Variants in CD4 observed in about 807,000 individuals in gnomAD.
CD4 encodes CD4 molecule.
Under a neutral mutation model 50.5 loss-of-function variants are expected in CD4, and 25 were observed. That is an observed-to-expected ratio of 0.49 (90% CI 0.36 to 0.69). The LOEUF is 0.69. CD4 is among the 30% of genes least tolerant of loss of function. The pLI is 0.00. For synonymous variants in CD4, 207 were observed against 221.9 expected, an observed-to-expected ratio of 0.93 and a Z score of 0.60; for missense variants, 456 against 548.5, an observed-to-expected ratio of 0.83 and a Z score of 1.68.
rs782466814 is a variant in CD4 at position 6,816,777 on chromosome 12, T to G, written c.956-353T>G. ...AATGATGATAATGTCAAGCTCCAAATTGAGTTTCTGGCTTCCTTATCTCCT... is the reference window on the plus strand; with the variant it reads ...AATGATGATAATGTCAAGCTCCAAAGTGAGTTTCTGGCTTCCTTATCTCCT... On this transcript the variant is annotated intron_variant, in intron 6 of 9. Transcript: ENST00000011653. This position sits in a 1 kb window ranked among gnomAD's most constrained non-coding sequence, Gnocchi z 4.9. 6.6e-6 allele frequency among the ~76,000 whole-genome samples: 1 copy of G among 152,200 alleles called. No individual in the cohort carries two copies. Among genetic ancestry groups the G allele is most frequent in the African/African-American group, 2.4e-5 (1 of 41,438 alleles).
At chr12:6,817,794 T>A (rs1943125788) in intron 7 of CD4, among the ~76,000 whole-genome samples, 1 of 142,502 alleles carries the variant, frequency 7.0e-6, no homozygotes, top group South Asian at 2.4e-4. Flanking sequence ...ACCCACACTC[T>A]CACCCCATGT....
At chr12:6,811,004 G>C (rs1033922380) in intron 3 of CD4, among the ~76,000 whole-genome samples, 4 of 152,076 alleles carry the variant, frequency 2.6e-5, no homozygotes, top group Non-Finnish European at 4.4e-5. Flanking sequence ...AGGGGCTCCT[G>C]GACAGTAAGA....
intron 1 of CD4, among the ~76,000 whole-genome samples, chr12:6,794,211 T>A (rs1358000414): frequency 1.3e-5 from 2 of 149,928 alleles, no homozygotes; most frequent in African/African-American, 4.9e-5. Flanking sequence ...TAGCTGGGAC[T>A]ACCCACCACC....
intron 3 of CD4, among the ~76,000 whole-genome samples, chr12:6,806,156 T>TACACAC (rs56979845): frequency 1.2e-4 from 13 of 107,410 alleles, no homozygotes; most frequent in Admixed American, 4.1e-4. Context: ...AAAAGGTACA[T>TACACAC]ACACACACAC....
At chr12:6,795,679 A>C (rs12318202) in intron 1 of CD4, among the ~76,000 whole-genome samples, 2 of 152,244 alleles carry the variant, frequency 1.3e-5, no homozygotes, top group African/African-American at 4.8e-5. Context: ...ACTCTGGATA[A>C]GGGGCCACCC....
At chr12:6,811,790 C>A (rs1479702700) in intron 3 of CD4, among the ~76,000 whole-genome samples, 2 of 151,374 alleles carry the variant, frequency 1.3e-5, no homozygotes, top group Non-Finnish European at 2.9e-5. Context: ...GGATTTCAGG[C>A]GTGAGCCACC....
intron 3 of CD4, among the ~76,000 whole-genome samples, chr12:6,811,106 C>T (rs782281751): frequency 6.6e-6 from 1 of 152,114 alleles, no homozygotes; most frequent in East Asian, 1.9e-4. Flanking sequence ...CACACCAAGG[C>T]AGAAAGAGGG....
intron 3 of CD4, among the ~76,000 whole-genome samples, chr12:6,808,116 G>C (rs1679557842): frequency 6.7e-6 from 1 of 149,262 alleles, no homozygotes. Context: ...AGGCAGGCAG[G>C]GCCAGGAAAG....
At position 6,815,500 on chromosome 12, in the gene CD4, A is replaced by G. The variant is rs782820827; in HGVS notation, c.607+508A>G. 2.6e-5 allele frequency among the ~76,000 whole-genome samples: 4 copies of G among 152,298 alleles called. No individual in the cohort carries two copies. In the East Asian group the frequency reaches 7.7e-4, roughly 29 times the overall value. ...TAAGGTAGACATAAGGTAGTGTGCC[A>G]GTTTAGTGCATGTACGCTGATTGAA... On this transcript the variant is annotated intron_variant, in intron 5 of 9. Coordinates refer to ENST00000011653, the MANE Select transcript of CD4 (RefSeq NM_000616.5).
intron 3 of CD4, among the ~76,000 whole-genome samples, chr12:6,803,461 A>G (rs1555115688): frequency 6.6e-6 from 1 of 151,570 alleles, no homozygotes; most frequent in Non-Finnish European, 1.5e-5. Context: ...TGAACACTTA[A>G]TAATATCTAT....
rs1943076206 is a variant in CD4 at position 6,816,081 on chromosome 12, C to G, written c.633C>G (p.Val211=). Residue 211 remains valine (V), a synonymous_variant, in exon 6 of 10, where the codon GTC becomes GTG. Coordinates refer to ENST00000011653, the MANE Select transcript of CD4 (RefSeq NM_000616.5). The surrounding 1 kb of genome is among the most constrained non-coding windows in gnomAD (Gnocchi z 4.9). ...VLAFQKASSI[V]YKKEGEQVEF... ...CTTTCCAGAAGGCCTCCAGCATAGT[C>G]TATAAGAAAGAGGGGGAACAGGTGG... 6.2e-7 allele frequency: 1 copy of G among 1,614,034 alleles called. No homozygotes were observed. Among genetic ancestry groups the G allele is most frequent in the Non-Finnish European group, 8.5e-7 (1 of 1,180,030 alleles).
In CD4 at chr12:6,814,181, G is replaced by C; in HGVS notation, c.254G>C (p.Ser85Thr). ...AATGATCGCGCTGACTCAAGAAGAA[G>C]CCTTTGGGACCAAGGAAACTTTCCC... is the stretch of plus-strand genomic sequence containing the variant. The part of the protein sequence containing the change: ...KLNDRADSRR[S>T]LWDQGNFPLI... Residue 85 changes from serine to threonine, a missense_variant, in exon 4 of 10, where the codon AGC becomes ACC. Coordinates refer to ENST00000011653, the MANE Select transcript of CD4 (RefSeq NM_000616.5). The C allele has an allele frequency of 6.2e-7, 1 of 1,614,126 alleles. No individual in the cohort carries two copies. Among genetic ancestry groups the C allele is most frequent in the South Asian group, 1.1e-5 (1 of 91,086 alleles).
intron 3 of CD4, among the ~76,000 whole-genome samples, chr12:6,805,723 C>A (rs781909902): frequency 6.6e-6 from 1 of 152,006 alleles, no homozygotes; most frequent in Admixed American, 6.6e-5. Flanking sequence ...CAATTTTCCC[C>A]AAATTAATAT....
intron 1 of CD4, among the ~76,000 whole-genome samples, chr12:6,793,010 C>G (rs1942213097): frequency 1.3e-5 from 2 of 151,932 alleles, no homozygotes; most frequent in African/African-American, 4.8e-5. Context: ...GCTTGAGGGA[C>G]CAGAGAGCCC....
intron 3 of CD4, among the ~76,000 whole-genome samples, chr12:6,802,586 G>C (rs1278049695): frequency 5.3e-5 from 8 of 152,088 alleles, no homozygotes; most frequent in African/African-American, 1.9e-4. Flanking sequence ...GGGATTATAG[G>C]TATGAGCCAC....
chr12:6,806,897 G>T (rs1413922371), intron 3 of CD4, among the ~76,000 whole-genome samples: 1 of 152,232 alleles, frequency 6.6e-6, no homozygotes, highest in African/African-American at 2.4e-5. Flanking sequence ...GCCGGGCGCG[G>T]TAGCTCACGC....
chr12:6,815,467 A>T (rs2137916867), intron 5 of CD4, among the ~76,000 whole-genome samples: 1 of 152,280 alleles, frequency 6.6e-6, no homozygotes, highest in Admixed American at 6.5e-5. Context: ...CTGGGTGCTT[A>T]TGTGACTTAA....
Position 6,814,242 on chromosome 12 carries a change from T to C in CD4, c.315T>C (p.Asp105=), listed in dbSNP as rs1446426483. 6.2e-7 allele frequency: 1 copy of C among 1,614,022 alleles called. No homozygotes were observed. The highest frequency in any genetic ancestry group is 8.5e-7 in the Non-Finnish European group (1 of 1,179,988). The change falls in exon 4 of 10, where the codon GAT becomes GAC. Residue 105 remains aspartate (D), a synonymous_variant. Coordinates refer to ENST00000011653, the MANE Select transcript of CD4 (RefSeq NM_000616.5). ...IIKNLKIEDS[D]TYICEVEDQK... ...AGAATCTTAAGATAGAAGACTCAGATACTTACATCTGTGAAGTGGAGGACC... is the reference window on the plus strand; with the variant it reads ...AGAATCTTAAGATAGAAGACTCAGACACTTACATCTGTGAAGTGGAGGACC...
At chr12:6,793,433 G>A (rs748800392) in intron 1 of CD4, among the ~76,000 whole-genome samples, 4 of 152,072 alleles carry the variant, frequency 2.6e-5, no homozygotes, top group Admixed American at 6.6e-5. Context: ...AGTCAGTCTG[G>A]GATGGGGGAC....
Sources: allele counts gnomAD v4.1 joint callset (sites outside exome capture counted in the v4.1 genomes callset), GRCh38; gene constraint gnomAD v4.1.1; non-coding constraint Gnocchi (gnomAD v3.1); transcripts MANE v1.5; gene names NCBI Gene and HGNC (gene_info 2026-07-23, HGNC 2026-07-21).